The following CDH18 variants were observed in gnomAD, a reference collection of about 807,000 sequenced individuals.
CDH18 encodes the protein cadherin 18.
A neutral mutation model predicts 67.9 loss-of-function variants in CDH18; 31 were observed. The observed-to-expected ratio is 0.46, with a 90% CI of 0.34 to 0.62. The LOEUF (loss-of-function observed/expected upper bound fraction) is 0.62. Ranked by LOEUF, CDH18 falls within the 20% of genes least tolerant of loss-of-function variation. The pLI, the probability that CDH18 is intolerant of heterozygous loss-of-function variation, is 0.01. For missense variants in CDH18, 890 were observed against 975.5 expected, an observed-to-expected ratio of 0.91 and a Z score of 1.17; for synonymous variants, 362 against 347.2, an observed-to-expected ratio of 1.04 and a Z score of -0.48.
chr5:19,540,611 A>G lies in CDH18; in HGVS notation c.1390+3258T>C, dbSNP rs370525746. ...TCTAGGAGGAGGTTCCCAAACCTCA[A>G]TTCTTGACTTCTATCTACCCTCAGG... On this transcript the variant is annotated intron_variant, in intron 9 of 12. Coordinates refer to ENST00000382275, the MANE Select transcript of CDH18 (RefSeq NM_004934.5). Among the ~76,000 whole-genome samples the G allele has an allele frequency of 2.5e-3, 382 of 152,250 alleles. 1 individual carries two copies. Among genetic ancestry groups the G allele is most frequent in the Non-Finnish European group, 3.9e-3 (265 of 68,010 alleles).
At chr5:19,780,515 C>T (rs1445289461) in intron 3 of CDH18, among the ~76,000 whole-genome samples, 1 of 151,816 alleles carries the variant, frequency 6.6e-6, no homozygotes, top group Non-Finnish European at 1.5e-5. Flanking sequence ...AAATTAGGAA[C>T]AAAAAAGGAC....
chr5:20,395,882 T>C lies in CDH18; in HGVS notation c.-579-140377A>G, dbSNP rs193052394. ...GGACTGGGTTCAGGGAGCTTCCAGA[T>C]CGCTGAGGATGTGGAGGCTCCTGGA... is the stretch of plus-strand genomic sequence containing the variant. On this transcript the variant is annotated intron_variant, in intron 1 of 14. Transcript: ENST00000507958. 1.7e-3 allele frequency among the ~76,000 whole-genome samples: 254 copies of C among 152,204 alleles called. 6 individuals carry two copies. The South Asian group carries it at 0.048, about 29-fold the overall frequency.
intron 2 of CDH18, among the ~76,000 whole-genome samples, chr5:20,229,763 T>C (rs1741919937): frequency 6.6e-6 from 1 of 152,120 alleles, no homozygotes; most frequent in Non-Finnish European, 1.5e-5. Context: ...CTTAGCTATG[T>C]ATATTTTTGT....
chr5:20,376,248 C>T (rs977609317), intron 1 of CDH18, among the ~76,000 whole-genome samples: 2 of 151,314 alleles, frequency 1.3e-5, no homozygotes, highest in Non-Finnish European at 2.9e-5. Context: ...CGCCCGCCAC[C>T]TCGCCCAGCT....
intron 5 of CDH18, among the ~76,000 whole-genome samples, chr5:19,658,643 A>T (rs1264121215): frequency 6.6e-6 from 1 of 151,978 alleles, no homozygotes; most frequent in East Asian, 1.9e-4. Context: ...GATACTTTTA[A>T]ACTTCTTTTT....
At chr5:20,453,257 C>G (rs940464479) in intron 1 of CDH18, among the ~76,000 whole-genome samples, 16 of 152,104 alleles carry the variant, frequency 1.1e-4, no homozygotes, top group Non-Finnish European at 2.1e-4. Context: ...TACACCTTGT[C>G]CTAACTACTT....
chr5:20,003,438 C>T (rs1736612143), intron 2 of CDH18, among the ~76,000 whole-genome samples: 1 of 151,954 alleles, frequency 6.6e-6, no homozygotes, highest in Admixed American at 6.6e-5. Flanking sequence ...TAAACACAGA[C>T]TTCAAATGGG....
chr5:20,282,976 G>A (rs921952622), intron 1 of CDH18, among the ~76,000 whole-genome samples: 1 of 151,970 alleles, frequency 6.6e-6, no homozygotes, highest in Non-Finnish European at 1.5e-5. Flanking sequence ...CATCTACAGT[G>A]AACTTATTTT....
At chr5:19,481,440 T>G (rs1189856969) in intron 12 of CDH18, among the ~76,000 whole-genome samples, 1 of 152,224 alleles carries the variant, frequency 6.6e-6, no homozygotes, top group African/African-American at 2.4e-5. Flanking sequence ...AGTATGCTAC[T>G]CTAACACGTA....
intron 1 of CDH18, among the ~76,000 whole-genome samples, chr5:20,290,925 C>T (rs1460991826): frequency 6.6e-6 from 1 of 151,940 alleles, no homozygotes; most frequent in Admixed American, 6.6e-5. Flanking sequence ...GTTAAGATTC[C>T]AGTGCTGGAG....
chr5:20,571,301 T>C (rs1161846089), intron 1 of CDH18, among the ~76,000 whole-genome samples: 2 of 152,158 alleles, frequency 1.3e-5, no homozygotes, highest in Non-Finnish European at 2.9e-5. Context: ...TGCATTTTCA[T>C]TTATTTGTCT....
At chr5:19,897,249 A>G (rs1379425702) in intron 2 of CDH18, among the ~76,000 whole-genome samples, 1 of 152,184 alleles carries the variant, frequency 6.6e-6, no homozygotes, top group Non-Finnish European at 1.5e-5. Flanking sequence ...AGTGAAAAAA[A>G]GAAATGGGCA....
At chr5:20,076,116 G>T (rs2150532846) in intron 2 of CDH18, among the ~76,000 whole-genome samples, 1 of 152,082 alleles carries the variant, frequency 6.6e-6, no homozygotes, top group Non-Finnish European at 1.5e-5. Flanking sequence ...TAAAACTTTA[G>T]TCTTATTAAA....
chr5:20,449,162 T>G (rs564311465), intron 1 of CDH18, among the ~76,000 whole-genome samples: 2 of 152,246 alleles, frequency 1.3e-5, no homozygotes, highest in African/African-American at 4.8e-5. Flanking sequence ...AATCATACTT[T>G]TCCTACAGGT....
chr5:20,545,406 A>G (rs532471117), intron 1 of CDH18, among the ~76,000 whole-genome samples: 17 of 152,314 alleles, frequency 1.1e-4, no homozygotes, highest in African/African-American at 4.1e-4. Context: ...GAGGTTCTCC[A>G]TGAGGGCTCC....
Position 20,451,963 on chromosome 5 carries a change from C to A in CDH18, c.-580+123499G>T, listed in dbSNP as rs903489031. Among the ~76,000 whole-genome samples, 3 of 152,228 alleles carry A rather than the reference C, an allele frequency of 2.0e-5. No homozygotes were observed. The South Asian group carries it at 6.2e-4, about 32-fold the overall frequency. ...GAGCTACTCGTCTTCCCATATATTTCTGCATATAGTTCTTTAAGAAAACCA... is the reference window on the plus strand; with the variant it reads ...GAGCTACTCGTCTTCCCATATATTTATGCATATAGTTCTTTAAGAAAACCA... On this transcript the variant is annotated intron_variant, in intron 1 of 14. Coordinates refer to the CDH18 transcript ENST00000507958.
chr5:19,707,261 G>A (rs1764087621), intron 5 of CDH18, among the ~76,000 whole-genome samples: 2 of 152,254 alleles, frequency 1.3e-5, no homozygotes, highest in South Asian at 4.2e-4. Context: ...CCTACCTGGG[G>A]ACAGATCAAG....
At chr5:19,908,502 A>G (rs1489544938) in intron 2 of CDH18, among the ~76,000 whole-genome samples, 1 of 152,176 alleles carries the variant, frequency 6.6e-6, no homozygotes, top group Non-Finnish European at 1.5e-5. Flanking sequence ...TATTTTCCAC[A>G]ATAAAATTCT....
chr5:19,805,276 A>T (rs1294548069), intron 3 of CDH18, among the ~76,000 whole-genome samples: 2 of 152,060 alleles, frequency 1.3e-5, no homozygotes, highest in Non-Finnish European at 2.9e-5. Flanking sequence ...TATTATTCTC[A>T]CTGGAGCATC....
Sources: allele counts gnomAD v4.1 joint callset (sites outside exome capture counted in the v4.1 genomes callset), GRCh38; gene constraint gnomAD v4.1.1; transcripts MANE v1.5; gene names NCBI Gene and HGNC (gene_info 2026-07-23, HGNC 2026-07-21).